The following C9 variants were observed in gnomAD, a reference collection of about 807,000 sequenced individuals.
C9 encodes complement component C9.
In C9, 63 loss-of-function variants were observed where a neutral mutation model predicts 65.4. The observed-to-expected ratio is 0.96, with a 90% CI of 0.79 to 1.19. C9 has a LOEUF of 1.19. Ranked by LOEUF, C9 falls within the 50% of genes most tolerant of loss-of-function variation. The pLI is 0.00. For missense variants in C9, 744 were observed against 670.1 expected, an observed-to-expected ratio of 1.11 and a Z score of -1.22; for synonymous variants, 229 against 227.9, an observed-to-expected ratio of 1.00 and a Z score of -0.04.
At chr5:39,343,978 A>C (rs935399715) in intron 1 of C9, among the ~76,000 whole-genome samples, 11 of 152,202 alleles carry the variant, frequency 7.2e-5, no homozygotes, top group African/African-American at 2.4e-4. Flanking sequence ...TGCTAGAAGG[A>C]AAACTAACAA....
intron 9 of C9, among the ~76,000 whole-genome samples, chr5:39,289,233 G>A (rs1753046837): frequency 6.6e-6 from 1 of 151,622 alleles, no homozygotes; most frequent in African/African-American, 2.4e-5. Flanking sequence ...AAAAAAACAG[G>A]TATATGTGCT....
chr5:39,347,775 C>T (rs979274224), intron 1 of C9, among the ~76,000 whole-genome samples: 1 of 152,116 alleles, frequency 6.6e-6, no homozygotes, highest in Non-Finnish European at 1.5e-5. Context: ...AACTGTACTA[C>T]AAGGCTACAG....
chr5:39,346,789 C>T (rs541985775), intron 1 of C9, among the ~76,000 whole-genome samples: 4 of 152,232 alleles, frequency 2.6e-5, no homozygotes, highest in African/African-American at 7.2e-5. Context: ...ACTGGCAAAC[C>T]GAATCCAGCA....
intron 9 of C9, among the ~76,000 whole-genome samples, chr5:39,301,746 A>G (rs942384083): frequency 6.6e-6 from 1 of 152,100 alleles, no homozygotes; most frequent in African/African-American, 2.4e-5. Flanking sequence ...GTGGGAGAAG[A>G]TATTTGCAAA....
chr5:39,364,304 T>C, intron 1 of C9, 84 bp downstream of exon 1: 3 of 780,388 alleles, frequency 3.8e-6, no homozygotes, highest in East Asian at 4.9e-5. Context: ...ATTAACATTG[T>C]CATGTACTTT....
chr5:39,361,932 C>T (rs1393982503), intron 1 of C9, among the ~76,000 whole-genome samples: 2 of 152,188 alleles, frequency 1.3e-5, no homozygotes, highest in African/African-American at 4.8e-5. Flanking sequence ...TAATTCCAAC[C>T]CTTCCGTCCT....
intron 5 of C9, among the ~76,000 whole-genome samples, chr5:39,331,133 T>C (rs1022104227): frequency 6.6e-6 from 1 of 152,224 alleles, no homozygotes; most frequent in African/African-American, 2.4e-5. Flanking sequence ...TCTGTCATTG[T>C]TCTAGAGAAT....
At position 39,317,857 on chromosome 5, in the gene C9, TG is replaced by T. The variant is rs143562092; in HGVS notation, c.616-1829del. ...TTTTGTTTCCACATGAATTTTAAAA[TG>T]GTTTTTTTTTTTCTAATTCCATGAA... On this transcript the variant is annotated intron_variant, in intron 5 of 10. Transcript: ENST00000263408. 4.1e-3 allele frequency among the ~76,000 whole-genome samples: 610 copies of T among 150,178 alleles called. 8 individuals are homozygous for T. Among genetic ancestry groups the T allele is most frequent in the Admixed American group, 0.03 (457 of 15,226 alleles).
intron 4 of C9, among the ~76,000 whole-genome samples, chr5:39,339,938 C>T (rs1245976155): frequency 2.0e-5 from 3 of 152,116 alleles, no homozygotes; most frequent in South Asian, 2.1e-4. Flanking sequence ...AGATTACAGG[C>T]GTGACCCGCC....
At chr5:39,320,649 A>G (rs963495277) in intron 5 of C9, among the ~76,000 whole-genome samples, 11 of 143,344 alleles carry the variant, frequency 7.7e-5, no homozygotes, top group Non-Finnish European at 1.5e-4. Context: ...CAATGTGGAG[A>G]AAAAAAAGGA....
At chr5:39,318,557 C>CTTT (rs5867455) in intron 5 of C9, among the ~76,000 whole-genome samples, 1 of 143,116 alleles carries the variant, frequency 7.0e-6, no homozygotes, top group African/African-American at 2.5e-5. Context: ...TCAATTAGAA[C>CTTT]TTTTTTTTTT....
At chr5:39,326,680 T>C (rs1022573027) in intron 5 of C9, among the ~76,000 whole-genome samples, 1 of 152,206 alleles carries the variant, frequency 6.6e-6, no homozygotes, top group African/African-American at 2.4e-5. Flanking sequence ...CCTTTCAAGA[T>C]AGCAGTTTCT....
At chr5:39,295,726 AAAC>A (rs370261450) in intron 9 of C9, among the ~76,000 whole-genome samples, 8 of 151,656 alleles carry the variant, frequency 5.3e-5, no homozygotes, top group Non-Finnish European at 3.0e-5. Context: ...AATCTTAAAC[AAAC>A]AACAACAACA....
chr5:39,301,973 T>C (rs962665452), intron 9 of C9, among the ~76,000 whole-genome samples: 3 of 152,110 alleles, frequency 2.0e-5, no homozygotes, highest in Non-Finnish European at 2.9e-5. Context: ...TTTGATTTTT[T>C]TTTAAAGAAA....
rs193209413 is a variant in C9, at chr5:39,292,199, A to G, written c.1417-3248T>C. ...CTGTGGAAAACCAAAGATTAAAATG[A>G]AATCTTCAAGGCGATGACAACAAAG... On this transcript the variant is annotated intron_variant, in intron 9 of 10. Transcript: ENST00000263408. 5.4e-3 allele frequency among the ~76,000 whole-genome samples: 825 copies of G among 151,972 alleles called. 7 individuals are homozygous for G. The highest frequency in any genetic ancestry group is 0.018 in the African/African-American group (749 of 41,486).
chr5:39,351,535 A>G (rs1044594243), intron 1 of C9, among the ~76,000 whole-genome samples: 5 of 152,304 alleles, frequency 3.3e-5, no homozygotes, highest in Non-Finnish European at 7.4e-5. Flanking sequence ...CAGCCAGGCC[A>G]TATTCTGAAC....
At chr5:39,349,526 T>C (rs565344148) in intron 1 of C9, among the ~76,000 whole-genome samples, 7 of 152,346 alleles carry the variant, frequency 4.6e-5, no homozygotes, top group Admixed American at 3.3e-4. Flanking sequence ...TCCTTCAAAC[T>C]CTACATGCCC....
At chr5:39,295,840 A>G (rs2111851872) in intron 9 of C9, among the ~76,000 whole-genome samples, 1 of 151,894 alleles carries the variant, frequency 6.6e-6, no homozygotes, top group South Asian at 2.1e-4. Flanking sequence ...ACAGGCACAT[A>G]AGCAAATGGA....
chr5:39,285,174 C>T lies in C9; in HGVS notation c.*25G>A, dbSNP rs780317875. On this transcript the variant is annotated 3_prime_UTR_variant, in exon 11 of 11. Coordinates refer to ENST00000263408, the MANE Select transcript of C9 (RefSeq NM_001737.5). ...AAGGTACTAGTGTTTTCTTCTTCCACTGGAGCTCAGAGAAGCCAACAGCTC... is the reference window on the plus strand; with the variant it reads ...AAGGTACTAGTGTTTTCTTCTTCCATTGGAGCTCAGAGAAGCCAACAGCTC... 4 of 1,605,996 alleles carry T rather than the reference C, an allele frequency of 2.5e-6. No individual in the cohort carries two copies. The African/African-American group carries it at 5.4e-5, about 21-fold the overall frequency.
Sources: gnomAD v4.1 joint callset for allele counts (sites outside exome capture counted in the v4.1 genomes callset) on GRCh38, gnomAD v4.1.1 for gene constraint, MANE v1.5 for transcripts, NCBI Gene and HGNC (gene_info 2026-07-23, HGNC 2026-07-21) for gene names.